Variants in BCR observed in about 807,000 individuals in gnomAD.
The protein encoded by BCR is BCR activator of RhoGEF and GTPase, also known as breakpoint cluster region protein.
Under a neutral mutation model 138.6 loss-of-function variants are expected in BCR, and 58 were observed. That is an observed-to-expected ratio of 0.42 (90% CI 0.34 to 0.52). The LOEUF (loss-of-function observed/expected upper bound fraction) is 0.52. Ranked by LOEUF, BCR falls within the 20% of genes least tolerant of loss-of-function variation. The pLI is 0.06. For missense variants in BCR, 1,599 were observed against 1,727.2 expected (o/e 0.93, Z 1.32); for synonymous variants, 786 against 730.1 (o/e 1.08, Z -1.23).
intron 16 of BCR, 85 bp downstream of exon 16, chr22:23,295,240 C>A: frequency 6.7e-7 from 1 of 1,482,444 alleles, no homozygotes; most frequent in Non-Finnish European, 9.2e-7. Flanking sequence ...ATGGTCATGG[C>A]CTTGCACCCA....
At chr22:23,289,874 G>A in intron 13 of BCR, 1 of 554,390 alleles carries the variant, frequency 1.8e-6, no homozygotes, top group South Asian at 2.1e-5. Context: ...TCACAAGGCT[G>A]CAGCAGACGC....
At chr22:23,304,080 T>G (rs1014765964) in intron 16 of BCR, among the ~76,000 whole-genome samples, 2 of 149,602 alleles carry the variant, frequency 1.3e-5, no homozygotes, top group Non-Finnish European at 3.0e-5. Context: ...ACCACAGGCA[T>G]GCGCCACCAT....
chr22:23,229,026 A>G (rs964270070), intron 1 of BCR, among the ~76,000 whole-genome samples: 1 of 151,958 alleles, frequency 6.6e-6, no homozygotes, highest in Admixed American at 6.5e-5. Context: ...TGTTCCATAG[A>G]TGCTTGAGGT....
chr22:23,274,454 G>T (rs1286875277), intron 8 of BCR, among the ~76,000 whole-genome samples: 2 of 152,230 alleles, frequency 1.3e-5, no homozygotes, highest in African/African-American at 2.4e-5. Flanking sequence ...CAGCCAAGGC[G>T]TGTAAGCTGG....
At chr22:23,274,654 A>G (rs149205893) in intron 8 of BCR, among the ~76,000 whole-genome samples, 1 of 152,122 alleles carries the variant, frequency 6.6e-6, no homozygotes, top group South Asian at 2.1e-4. Context: ...TCACGCCTGT[A>G]ATCCTAGCAC....
intron 15 of BCR, among the ~76,000 whole-genome samples, chr22:23,293,583 C>CA (rs1202236715): frequency 6.6e-6 from 1 of 152,146 alleles, no homozygotes; most frequent in Non-Finnish European, 1.5e-5. Context: ...ACAGGGGATC[C>CA]ATCGAAGAAG....
At chr22:23,196,998 A>G (rs1327950758) in intron 1 of BCR, among the ~76,000 whole-genome samples, 5 of 152,222 alleles carry the variant, frequency 3.3e-5, no homozygotes, top group African/African-American at 1.2e-4. Context: ...TGCCATAGCT[A>G]GCTTTTGCAT....
At chr22:23,274,773 TGGTGGGTGC>T (rs1457238763) in intron 8 of BCR, among the ~76,000 whole-genome samples, 1 of 151,474 alleles carries the variant, frequency 6.6e-6, no homozygotes, top group Non-Finnish European at 1.5e-5. Flanking sequence ...CTGGGCACGG[TGGTGGGTGC>T]CTGTAATCCC....
chr22:23,257,285 G>A (rs1272103365), intron 2 of BCR, among the ~76,000 whole-genome samples: 2 of 152,096 alleles, frequency 1.3e-5, no homozygotes, highest in Admixed American at 6.5e-5. Context: ...TTCCCTGAGC[G>A]GCCCCGCCCT....
intron 16 of BCR, among the ~76,000 whole-genome samples, chr22:23,304,691 A>G (rs995046613): frequency 1.3e-5 from 2 of 152,198 alleles, no homozygotes; most frequent in Non-Finnish European, 2.9e-5. Flanking sequence ...CCCAGTGGCC[A>G]TGTATGAAAG....
intron 1 of BCR, among the ~76,000 whole-genome samples, chr22:23,209,473 C>T (rs2072656553): frequency 1.3e-5 from 2 of 152,192 alleles, no homozygotes; most frequent in Non-Finnish European, 2.9e-5. Context: ...CACCTTTTGG[C>T]TGTTGTGAAT....
At position 23,242,097 on chromosome 22, in the gene BCR, G is replaced by A. The variant is rs75951536; in HGVS notation, c.1280-11702G>A. On this transcript the variant is annotated intron_variant, in intron 1 of 22. Coordinates refer to ENST00000305877, the MANE Select transcript of BCR (RefSeq NM_004327.4). ...AGAGAAAAGCACACAAATGTCATTA[G>A]TTTTACAGGTGCATGGGAAACTTCA... Among the ~76,000 whole-genome samples the A allele has an allele frequency of 6.1e-3, 924 of 152,296 alleles. 10 individuals carry two copies. The highest frequency in any genetic ancestry group is 0.021 in the African/African-American group (867 of 41,540).
In BCR at chr22:23,316,679, G is replaced by A; in HGVS notation, c.*1157G>A. ...AGGAGTGGGTTCTGAAGTCTCTGGA[G>A]AACAGGATACGTGGAGGGTTAGGAA... On this transcript the variant is annotated 3_prime_UTR_variant, in exon 23 of 23. Coordinates refer to ENST00000305877, the MANE Select transcript of BCR (RefSeq NM_004327.4). 1 of 144,204 alleles carries A rather than the reference G, an allele frequency of 6.9e-6. No individual in the cohort carries two copies. Among genetic ancestry groups the A allele is most frequent in the Non-Finnish European group, 1.4e-5 (1 of 70,724 alleles). 8.9% of individuals were successfully genotyped at this position (144,204 alleles called of 1,614,324 possible).
chr22:23,217,755 G>C lies in BCR; in HGVS notation c.1279+35516G>C, dbSNP rs572840813. ...GTTTGTAAATGTTTGAAAATAAATAGTGGAATAAATAAATACATGGGAAAC... is the reference window on the plus strand; with the variant it reads ...GTTTGTAAATGTTTGAAAATAAATACTGGAATAAATAAATACATGGGAAAC... On this transcript the variant is annotated intron_variant, in intron 1 of 22. Transcript: ENST00000305877. Among the ~76,000 whole-genome samples, 40 of 152,352 alleles carry C rather than the reference G, an allele frequency of 2.6e-4. No homozygotes were observed. The South Asian group carries it at 8.1e-3, about 31-fold the overall frequency.
chr22:23,278,552 C>T (rs2073605598), intron 8 of BCR, among the ~76,000 whole-genome samples: 2 of 152,130 alleles, frequency 1.3e-5, no homozygotes. Flanking sequence ...CATGGTGAAA[C>T]CCCGTCTCCA....
At chr22:23,258,140 G>A (rs371103318) in intron 2 of BCR, among the ~76,000 whole-genome samples, 13 of 152,232 alleles carry the variant, frequency 8.5e-5, no homozygotes, top group East Asian at 3.9e-4. Flanking sequence ...ACACATGTAC[G>A]TGTGTATAAA....
chr22:23,192,738 C>A (rs2072430988), intron 1 of BCR, among the ~76,000 whole-genome samples: 1 of 152,224 alleles, frequency 6.6e-6, no homozygotes, highest in African/African-American at 2.4e-5. Flanking sequence ...CTGCTTTTCC[C>A]ACCAACAGTC....
intron 1 of BCR, chr22:23,242,795 A>C (rs2073108645): frequency 2.2e-6 from 1 of 449,308 alleles, no homozygotes; most frequent in Admixed American, 2.4e-5. Context: ...GGCTTACAAC[A>C]ACAAACATTT....
At chr22:23,289,931 C>T (rs2073765421) in intron 13 of BCR, 1 of 518,154 alleles carries the variant, frequency 1.9e-6, no homozygotes, top group Non-Finnish European at 3.5e-6. Context: ...CCCGTCCTCC[C>T]AGCCCTCCTC....
Sources: allele counts gnomAD v4.1 joint callset (sites outside exome capture counted in the v4.1 genomes callset), GRCh38; gene constraint gnomAD v4.1.1; transcripts MANE v1.5; gene names NCBI Gene and HGNC (gene_info 2026-07-23, HGNC 2026-07-21).